The following FNDC7 variants were observed in gnomAD, a reference collection of about 807,000 sequenced individuals.
FNDC7 encodes the protein fibronectin type III domain containing 7, also known as fibronectin type III domain-containing protein 7.
Under a neutral mutation model 74.2 loss-of-function variants are expected in FNDC7, and 66 were observed. The ratio of observed to expected loss-of-function variants is 0.89; its 90% CI spans 0.73 to 1.09. FNDC7 has a LOEUF of 1.09. Among genes scored for constraint, FNDC7 ranks in the 50% least tolerant of loss-of-function variants. The pLI is 0.00. For synonymous variants in FNDC7, 307 were observed against 330.2 expected, an observed-to-expected ratio of 0.93 and a Z score of 0.76; for missense variants, 829 against 893.4, an observed-to-expected ratio of 0.93 and a Z score of 0.92.
chr1:108,725,549 G>A (rs752694658), intron 5 of FNDC7, among the ~76,000 whole-genome samples: 7 of 152,160 alleles, frequency 4.6e-5, no homozygotes, highest in Non-Finnish European at 8.8e-5. Context: ...TAGTGGTTTG[G>A]GGCCTGTAAC....
In FNDC7 at chr1:108,722,137, GTATAT is replaced by G. The variant is rs1024453584; in HGVS notation, c.599-194_599-190del. ...AATAATATGGGGTCAAGGTCACACA[GTATAT>G]TATGAGTTTGCATAGTAGCAGATGA... On this transcript the variant is annotated intron_variant, in intron 4 of 12. Transcript: ENST00000370017. Among the ~76,000 whole-genome samples, 126 of 152,296 alleles carry G rather than the reference GTATAT, an allele frequency of 8.3e-4. 1 individual carries two copies. Among genetic ancestry groups the G allele is most frequent in the African/African-American group, 2.9e-3 (120 of 41,566 alleles).
rs1445079482 is a variant in FNDC7 at position 108,733,277 on chromosome 1, T to A, written c.1885T>A (p.Cys629Ser). ...CSYQSYFSGA[C>S]CPLGVKLYRL... ...TTGTTATTTTTATTGCCTAGGTGCC[T>A]GCTGCCCTTTGGGGGTGAAATTATA... The change falls in exon 10 of 13, where the codon TGC (cysteine) becomes AGC (serine). Residue 629 changes from cysteine (C) to serine (S), a missense_variant. Transcript: ENST00000370017. 6.2e-7 allele frequency: 1 copy of A among 1,606,686 alleles called. No homozygotes were observed. The highest frequency in any genetic ancestry group is 8.5e-7 in the Non-Finnish European group (1 of 1,173,616).
intron 10 of FNDC7, among the ~76,000 whole-genome samples, chr1:108,735,232 T>C (rs1661482049): frequency 6.6e-6 from 1 of 152,202 alleles, no homozygotes; most frequent in African/African-American, 2.4e-5. Context: ...GAGTCTTCTC[T>C]TCATTCCCAC....
Position 108,722,340 on chromosome 1 carries a change from CGGG to C in FNDC7, c.605_607del (p.Arg202_Ala203delinsPro). The C allele has an allele frequency of 6.2e-7, 1 of 1,603,122 alleles. No homozygotes were observed. Among genetic ancestry groups the C allele is most frequent in the Non-Finnish European group, 8.5e-7 (1 of 1,174,100 alleles). On this transcript the variant is annotated inframe_deletion, in exon 5 of 13. Transcript: ENST00000370017. ...ATTGTTTCTCTAAAATGTAGGTCCT[CGGG>C]CCCCTGCCAACATTCAAGTCTCTTT...
At chr1:108,737,185 C>T (rs1424176615) in intron 10 of FNDC7, among the ~76,000 whole-genome samples, 4 of 151,830 alleles carry the variant, frequency 2.6e-5, no homozygotes, top group Admixed American at 6.6e-5. Context: ...TTGGCCAGGC[C>T]GGTCTTGAAC....
chr1:108,739,840 T>C (rs1362415323), intron 11 of FNDC7, among the ~76,000 whole-genome samples: 1 of 152,060 alleles, frequency 6.6e-6, no homozygotes, highest in Non-Finnish European at 1.5e-5. Flanking sequence ...CAGGGCTCAG[T>C]CTTTAGCCTG....
Position 108,733,650 on chromosome 1 carries a change from T to TA in FNDC7, c.2140+118_2140+119insA, listed in dbSNP as rs1661446952. 19 of 175,628 alleles carry TA rather than the reference T, an allele frequency of 1.1e-4. No individual in the cohort carries two copies. The South Asian group carries it at 2.3e-3, about 21-fold the overall frequency. 10.9% of individuals were successfully genotyped at this position (175,628 alleles called of 1,614,324 possible). On this transcript the variant is annotated intron_variant, in intron 10 of 12. Coordinates refer to ENST00000370017, the MANE Select transcript of FNDC7 (RefSeq NM_001144937.3). ...GCACAGAGGGTATAAAATTTCTTTC[T>TA]TTTTTTTTTTTTTTTTTTTTGAGAC...
Position 108,722,410 on chromosome 1 carries a change from C to A in FNDC7, c.674C>A (p.Ala225Glu), listed in dbSNP as rs542029171. The change falls in exon 5 of 13, where the codon GCA becomes GAA. Residue 225 changes from alanine (A) to glutamate (E), a missense_variant. Physicochemically the swap from Ala to Glu is moderately radical, Grantham distance 107. Transcript: ENST00000370017. ...AAGGCATCTTTTTCCTGGGCACGGG[C>A]AGAAGGAGCTTTCAATTATACTGTG... Reference protein sequence around the residue: ...ALKASFSWARAEGAFNYTVMA... With the variant: ...ALKASFSWAREEGAFNYTVMA... The A allele has an allele frequency of 4.0e-5, 65 of 1,614,192 alleles. 2 individuals are homozygous for A. In the South Asian group the frequency reaches 6.9e-4, roughly 17 times the overall value.
intron 9 of FNDC7, among the ~76,000 whole-genome samples, chr1:108,732,066 A>G (rs1389699659): frequency 1.3e-5 from 2 of 152,212 alleles, no homozygotes; most frequent in African/African-American, 2.4e-5. Flanking sequence ...AAGGAAAAAA[A>G]TACTAATCAG....
chr1:108,717,831 C>T lies in FNDC7; in HGVS notation c.137C>T (p.Thr46Ile). 1.9e-6 allele frequency: 3 copies of T among 1,551,726 alleles called. No homozygotes were observed. Among genetic ancestry groups the T allele is most frequent in the Non-Finnish European group, 2.6e-6 (3 of 1,146,992 alleles). Reference sequence around the variant, plus strand: ...TATTCAAAACTCAGCAACAGTATCACTGTAGAATGGGCTACAGTGCCGGGT... The same window carrying T: ...TATTCAAAACTCAGCAACAGTATCATTGTAGAATGGGCTACAGTGCCGGGT... ...QAYSKLSNSI[T>I]VEWATVPGAT... Residue 46 changes from threonine (T) to isoleucine (I), a missense_variant, in exon 3 of 13, where the codon ACT becomes ATT. Physicochemically the swap from Thr to Ile is moderately conservative, Grantham distance 89 (BLOSUM62 -1). Coordinates refer to ENST00000370017, the MANE Select transcript of FNDC7 (RefSeq NM_001144937.3).
Position 108,742,387 on chromosome 1 carries a change from G to A in FNDC7, c.*500G>A, listed in dbSNP as rs1386551615. Reference sequence around the variant, plus strand: ...AACCTCCAGCAGGACTTCAGTATAGGTTGGAAAGCAGTAGCTGCCAGGGCA... The same window carrying A: ...AACCTCCAGCAGGACTTCAGTATAGATTGGAAAGCAGTAGCTGCCAGGGCA... On this transcript the variant is annotated 3_prime_UTR_variant, in exon 13 of 13. Transcript: ENST00000370017. 3 of 152,714 alleles carry A rather than the reference G, an allele frequency of 2.0e-5. No individual in the cohort carries two copies. The highest frequency in any genetic ancestry group is 7.2e-5 in the African/African-American group (3 of 41,452). The allele number at this position is 152,714 out of a possible 1,614,324, so 9.5% of individuals were successfully genotyped here.
chr1:108,729,601 AG>A (rs1661299476), intron 8 of FNDC7, among the ~76,000 whole-genome samples: 1 of 152,178 alleles, frequency 6.6e-6, no homozygotes, highest in Non-Finnish European at 1.5e-5. Context: ...GGTAAAAGGG[AG>A]ATAATGGCCT....
chr1:108,736,686 C>G (rs1401997962), intron 10 of FNDC7, among the ~76,000 whole-genome samples: 1 of 152,180 alleles, frequency 6.6e-6, no homozygotes, highest in African/African-American at 2.4e-5. Flanking sequence ...GATGCCATCT[C>G]AAGCCTGTAG....
In FNDC7 at chr1:108,728,806, G is replaced by T. The variant is rs146312138; in HGVS notation, c.1544G>T (p.Gly515Val). 5.3e-5 allele frequency: 86 copies of T among 1,614,252 alleles called. 2 individuals are homozygous for T. The African/African-American group carries it at 9.6e-4, about 18-fold the overall frequency. Reference sequence around the variant, plus strand: ...TGCACCATGCGGGGCTTGCCCTGTGGCTCAGTGTTCTCTGTCACTGCTGTG... The same window carrying T: ...TGCACCATGCGGGGCTTGCCCTGTGTCTCAGTGTTCTCTGTCACTGCTGTG... ...ESCTMRGLPC[G>V]SVFSVTAVAE... Residue 515 changes from glycine (G) to valine (V), a missense_variant, in exon 8 of 13, where the codon GGC (glycine) becomes GTC (valine). By Grantham distance (109) the Gly-to-Val change is moderately radical. Coordinates refer to ENST00000370017, the MANE Select transcript of FNDC7 (RefSeq NM_001144937.3).
chr1:108,724,312 T>TG (rs1661156915), intron 5 of FNDC7, among the ~76,000 whole-genome samples: 1 of 152,122 alleles, frequency 6.6e-6, no homozygotes, highest in Non-Finnish European at 1.5e-5. Flanking sequence ...GAATGTCTCC[T>TG]GGGTTTGTAC....
intron 5 of FNDC7, among the ~76,000 whole-genome samples, chr1:108,723,323 T>G (rs750168256): frequency 4.6e-5 from 7 of 152,220 alleles, no homozygotes; most frequent in Non-Finnish European, 1.0e-4. Flanking sequence ...GAGCTGAGAT[T>G]CAAGCTGCTC....
intron 5 of FNDC7, among the ~76,000 whole-genome samples, chr1:108,724,947 G>T (rs1316842252): frequency 1.3e-5 from 2 of 151,642 alleles, no homozygotes; most frequent in African/African-American, 4.8e-5. Flanking sequence ...TGGGCATGGT[G>T]GTGCACACCT....
intron 11 of FNDC7, 87 bp from the exon 12 acceptor site, chr1:108,741,686 C>A: frequency 1.5e-6 from 2 of 1,342,150 alleles, no homozygotes; most frequent in Non-Finnish European, 2.1e-6. Context: ...TCAACATACA[C>A]ATAAAATCTC....
At chr1:108,741,587 T>C (rs546258117) in intron 11 of FNDC7, among the ~76,000 whole-genome samples, 186 bp from the exon 12 acceptor site, 13 of 152,316 alleles carry the variant, frequency 8.5e-5, no homozygotes, top group African/African-American at 2.9e-4. Flanking sequence ...CTGCTCTGGT[T>C]AGAAACTGCT....
Sources: gnomAD v4.1 joint callset for allele counts (sites outside exome capture counted in the v4.1 genomes callset) on GRCh38, gnomAD v4.1.1 for gene constraint, MANE v1.5 for transcripts, NCBI Gene and HGNC (gene_info 2026-07-23, HGNC 2026-07-21) for gene names.